Variants in SQSTM1 observed in about 807,000 individuals in gnomAD.
The protein encoded by SQSTM1 is sequestosome 1.
In SQSTM1, 36 loss-of-function variants were observed where a neutral mutation model predicts 45.1. The observed-to-expected ratio is 0.80, with a 90% CI of 0.61 to 1.05. The LOEUF is 1.05. SQSTM1 is among the 50% of genes least tolerant of loss of function. The pLI is 0.00. For synonymous variants in SQSTM1, 290 were observed against 244.3 expected (o/e 1.19, Z -1.74); for missense variants, 617 against 607.1 (o/e 1.02, Z -0.17).
In SQSTM1 at chr5:179,823,971, C is replaced by T. The variant is rs750256905; in HGVS notation, c.415C>T (p.Arg139Cys). Residue 139 changes from arginine (R) to cysteine (C), a missense_variant, in exon 3 of 8, where the codon CGC (arginine) becomes TGC (cysteine). Coordinates refer to ENST00000389805, the MANE Select transcript of SQSTM1 (RefSeq NM_003900.5). Reference sequence around the variant, plus strand: ...CTGCAATGGGCCTGTGGTAGGAACCCGCTACAAGTGCAGCGTCTGCCCAGA... The same window carrying T: ...CTGCAATGGGCCTGTGGTAGGAACCTGCTACAAGTGCAGCGTCTGCCCAGA... ...DGCNGPVVGTRYKCSVCPDYD... is the reference protein window; with the variant it reads ...DGCNGPVVGTCYKCSVCPDYD... 5.0e-5 allele frequency: 80 copies of T among 1,613,930 alleles called. No individual in the cohort carries two copies. The highest frequency in any genetic ancestry group is 1.6e-4 in the Middle Eastern group (1 of 6,084).
intron 1 of SQSTM1, among the ~76,000 whole-genome samples, chr5:179,809,325 ATTTTTTTTTTTT>A (rs71001049): frequency 5.4e-4 from 22 of 41,076 alleles, no homozygotes; most frequent in East Asian, 2.3e-3. Flanking sequence ...CGCCTGGCTA[ATTTTTTTTTTTT>A]TTTTTTTTTT....
intron 2 of SQSTM1, chr5:179,811,814 GGACGGATGGGC>G (rs1757414639): frequency 6.6e-6 from 1 of 152,232 alleles, no homozygotes; most frequent in Non-Finnish European, 1.5e-5. Context: ...CCTTACTTCT[GGACGGATGGGC>G]GAACGGCGGT....
chr5:179,821,950 A>G (rs1233726791), intron 1 of SQSTM1, among the ~76,000 whole-genome samples: 2 of 152,156 alleles, frequency 1.3e-5, no homozygotes, highest in Non-Finnish European at 2.9e-5. Context: ...TATTCTTAAA[A>G]AAAAAAAAAT....
rs762476181 is a variant in SQSTM1 at position 179,820,924 on chromosome 5, C to G, written c.-13C>G. 18 of 1,526,774 alleles carry G rather than the reference C, an allele frequency of 1.2e-5. 1 individual carries two copies. The highest frequency in any genetic ancestry group is 3.6e-5 in the South Asian group (3 of 84,288). The allele number at this position is 1,526,774 out of a possible 1,614,324, so 94.6% of individuals were successfully genotyped here. A position where few individuals can be genotyped will look rare whatever the true frequency, so the allele number is the denominator to read the frequency against. ...ACCGGGACGGCCCGTTTTCCGCCAG[C>G]TCGCCGCTCGCTATGGCGTCGCTCA... On this transcript the variant is annotated 5_prime_UTR_variant, in exon 1 of 8. Transcript: ENST00000389805.
At chr5:179,813,909 T>C (rs1040523775), upstream of SQSTM1, among the ~76,000 whole-genome samples, 1 of 152,188 alleles carries the variant, frequency 6.6e-6, no homozygotes, top group Admixed American at 6.5e-5. Flanking sequence ...ACTAGCATAT[T>C]ATCTTTCCTA....
chr5:179,823,898 T>C lies in SQSTM1; in HGVS notation c.342T>C (p.Ala114=). Residue 114 remains alanine (A), a synonymous_variant, in exon 3 of 8, where the codon GCT becomes GCC. Coordinates refer to ENST00000389805, the MANE Select transcript of SQSTM1 (RefSeq NM_003900.5). ...GGCGGGACCACCGCCCACCGTGTGC[T>C]CAGGAGGCGCCCCGCAACATGGTGC... ...ECRRDHRPPC[A]QEAPRNMVHP... The C allele has an allele frequency of 6.2e-7, 1 of 1,613,404 alleles. No individual in the cohort carries two copies. Among genetic ancestry groups the C allele is most frequent in the Non-Finnish European group, 8.5e-7 (1 of 1,180,032 alleles).
Position 179,822,958 on chromosome 5 carries a change from A to G in SQSTM1, c.206A>G (p.Asp69Gly). ...ACGTGCTGTCTTTTAAACAATCTAGATGAGGACGGGGACTTGGTTGCCTTT... is the reference window on the plus strand; with the variant it reads ...ACGTGCTGTCTTTTAAACAATCTAGGTGAGGACGGGGACTTGGTTGCCTTT... ...RPGGFQAHYR[D>G]EDGDLVAFSS... The change falls in exon 2 of 8, where the codon GAT becomes GGT. Residue 69 changes from aspartate to glycine, a missense_variant and splice_region_variant. Coordinates refer to ENST00000389805, the MANE Select transcript of SQSTM1 (RefSeq NM_003900.5). 6.2e-7 allele frequency: 1 copy of G among 1,614,060 alleles called. No individual in the cohort carries two copies. The highest frequency in any genetic ancestry group is 8.5e-7 in the Non-Finnish European group (1 of 1,179,972).
At chr5:179,822,503 C>T (rs572309755) in intron 1 of SQSTM1, 42 of 266,560 alleles carry the variant, frequency 1.6e-4, no homozygotes, top group South Asian at 1.3e-3. Context: ...AGGAAGCAGG[C>T]AGATGCCCTT....
chr5:179,837,010 A>C lies in SQSTM1; in HGVS notation c.*417A>C. 1.6e-6 allele frequency: 1 copy of C among 617,304 alleles called. No individual in the cohort carries two copies. Among genetic ancestry groups the C allele is most frequent in the South Asian group, 2.0e-5 (1 of 51,210 alleles). The allele number at this position is 617,304 out of a possible 1,614,324, so 38.2% of individuals were successfully genotyped here. A position where few individuals can be genotyped will look rare whatever the true frequency, so the allele number is the denominator to read the frequency against. ...CCTGGTACACTCTGATTTTAGATAAAGTAAGCCTAGGTGTTGTCAGCAGGC... is the reference window on the plus strand; with the variant it reads ...CCTGGTACACTCTGATTTTAGATAACGTAAGCCTAGGTGTTGTCAGCAGGC... On this transcript the variant is annotated 3_prime_UTR_variant, in exon 8 of 8. Coordinates refer to ENST00000389805, the MANE Select transcript of SQSTM1 (RefSeq NM_003900.5).
intron 2 of SQSTM1, chr5:179,813,261 A>C (rs1052351590): frequency 1.5e-4 from 23 of 152,174 alleles, no homozygotes; most frequent in African/African-American, 5.5e-4. Flanking sequence ...ATCCACAGCC[A>C]CCTTATCAGA....
chr5:179,821,647 C>G, intron 1 of SQSTM1: 1 of 404,584 alleles, frequency 2.5e-6, no homozygotes, highest in South Asian at 1.7e-5. Flanking sequence ...GGGGGACTCG[C>G]GAGCGCCGCG....
intron 7 of SQSTM1, 56 bp downstream of exon 7, chr5:179,833,838 G>A: frequency 6.4e-7 from 1 of 1,574,510 alleles, no homozygotes. Context: ...AGAGCATCCT[G>A]CCCTCCTCTG....
In SQSTM1 at chr5:179,830,620, G is replaced by A. The variant is rs147200395; in HGVS notation, c.755-2412G>A. ...GTCGCCCAGGCTGGAGTGCAGCGGC[G>A]TGATCTCAGCTCACTGCAGTTTCCA... On this transcript the variant is annotated intron_variant, in intron 5 of 7. Transcript: ENST00000389805. Among the ~76,000 whole-genome samples the A allele has an allele frequency of 1.1e-4, 17 of 151,594 alleles. No individual in the cohort carries two copies. The East Asian group carries it at 2.5e-3, about 22-fold the overall frequency.
intron 1 of SQSTM1, chr5:179,821,489 T>C: frequency 1.9e-6 from 1 of 533,456 alleles, no homozygotes; most frequent in Non-Finnish European, 3.6e-6. Context: ...ACGCTCTGGC[T>C]CTCCGCGGGC....
chr5:179,836,311 G>C, intron 7 of SQSTM1, 125 bp from the exon 8 acceptor site: 2 of 1,311,030 alleles, frequency 1.5e-6, no homozygotes, highest in Admixed American at 1.7e-5. Flanking sequence ...GTGAGGACGA[G>C]AGCTCTGGGC....
chr5:179,811,553 C>A (rs1187466598), intron 1 of SQSTM1: 1 of 152,540 alleles, frequency 6.6e-6, no homozygotes, highest in Non-Finnish European at 1.5e-5. Context: ...CAATAAATTC[C>A]ATTTTTCTCA....
In SQSTM1 at chr5:179,820,984, G is replaced by A. The variant is rs1757752016; in HGVS notation, c.48G>A (p.Ala16=). 6.4e-7 allele frequency: 1 copy of A among 1,574,758 alleles called. No individual in the cohort carries two copies. Among genetic ancestry groups the A allele is most frequent in the African/African-American group, 1.4e-5 (1 of 71,452 alleles). ...CCTACCTTCTGGGCAAGGAGGACGC[G>A]GCGCGCGAGATTCGCCGCTTCAGCT... The part of the protein sequence containing the change: ...VKAYLLGKED[A]AREIRRFSFC... The change falls in exon 1 of 8, where the codon GCG becomes GCA. Residue 16 remains alanine (A), a synonymous_variant. Coordinates refer to ENST00000389805, the MANE Select transcript of SQSTM1 (RefSeq NM_003900.5).
At chr5:179,815,428 A>G (rs1488962263), upstream of SQSTM1, among the ~76,000 whole-genome samples, 1 of 152,102 alleles carries the variant, frequency 6.6e-6, no homozygotes, top group African/African-American at 2.4e-5. Context: ...AAAAAAAAAA[A>G]GAAAAGAAAA....
chr5:179,814,574 T>C (rs1757524164), upstream of SQSTM1, among the ~76,000 whole-genome samples: 1 of 152,234 alleles, frequency 6.6e-6, no homozygotes, highest in Admixed American at 6.5e-5. Flanking sequence ...GTTCCTGCCC[T>C]GGCTACAGGC....
Sources: allele counts gnomAD v4.1 joint callset (sites outside exome capture counted in the v4.1 genomes callset), GRCh38; gene constraint gnomAD v4.1.1; transcripts MANE v1.5; gene names NCBI Gene and HGNC (gene_info 2026-07-23, HGNC 2026-07-21).